Variants in USP7 observed in about 807,000 individuals in gnomAD.
The protein encoded by USP7 is ubiquitin specific peptidase 7.
A neutral mutation model predicts 162.9 loss-of-function variants in USP7; 9 were observed. That is an observed-to-expected ratio of 0.06 (90% CI 0.03 to 0.10). The LOEUF (loss-of-function observed/expected upper bound fraction) is 0.10, where lower values mean the gene tolerates loss of function less well. Ranked by LOEUF, USP7 falls within the 10% of genes least tolerant of loss-of-function variation. The probability of loss-of-function intolerance (pLI) is 1.00; values close to 1 mark genes in which losing one functional copy is unlikely to be tolerated. For synonymous variants in USP7, 562 were observed against 475.9 expected (o/e 1.18, Z -2.35); for missense variants, 715 against 1,373.7 (o/e 0.52, Z 7.58).
At chr16:8,949,840 C>T (rs1458160118) in intron 1 of USP7, among the ~76,000 whole-genome samples, 1 of 152,222 alleles carries the variant, frequency 6.6e-6, no homozygotes, top group African/African-American at 2.4e-5. Flanking sequence ...ATGCCCTAAG[C>T]TGAGCTTGGG....
At chr16:8,932,734 GGACAGT>G (rs1357585187) in intron 1 of USP7, among the ~76,000 whole-genome samples, 1 of 152,158 alleles carries the variant, frequency 6.6e-6, no homozygotes, top group Non-Finnish European at 1.5e-5. Flanking sequence ...TGTAAACCAA[GGACAGT>G]GACTGGCCCT....
intron 4 of USP7, 124 bp downstream of exon 4, chr16:8,921,033 C>T (rs1897665611): frequency 9.0e-7 from 1 of 1,116,510 alleles, no homozygotes; most frequent in Non-Finnish European, 1.2e-6. Context: ...TTCAAAGACA[C>T]TTGTCCAATT....
At chr16:8,894,446 G>T in intron 30 of USP7, 104 bp downstream of exon 30, 1 of 1,151,566 alleles carries the variant, frequency 8.7e-7, no homozygotes, top group Non-Finnish European at 1.2e-6. Context: ...CCAGTGGAGA[G>T]AGAGGAGCTG....
At chr16:8,962,411 G>C (rs867840455) in intron 1 of USP7, 138 of 368,202 alleles carry the variant, frequency 3.7e-4, no homozygotes, top group African/African-American at 2.6e-3. Context: ...TTACAACCAA[G>C]ACTCTATACC....
chr16:8,918,785 G>A (rs1897517301), intron 6 of USP7, among the ~76,000 whole-genome samples: 1 of 152,212 alleles, frequency 6.6e-6, no homozygotes, highest in Non-Finnish European at 1.5e-5. Flanking sequence ...CTCCAGCCTG[G>A]GCGACAGAGC....
At chr16:8,918,205 G>A (rs563360623) in intron 6 of USP7, among the ~76,000 whole-genome samples, 13 of 152,290 alleles carry the variant, frequency 8.5e-5, no homozygotes, top group African/African-American at 3.1e-4. Context: ...ACGACAACCT[G>A]TCTGGGTGGC....
intron 25 of USP7, among the ~76,000 whole-genome samples, chr16:8,897,726 A>AAATAAATATATATAT (rs1555461671): frequency 1.4e-4 from 1 of 7,138 alleles, no homozygotes; most frequent in Non-Finnish European, 2.3e-4. Flanking sequence ...AAAAAAAAAA[A>AAATAAATATATATAT]ATATATATAT....
At chr16:8,934,389 G>C (rs1308846232) in intron 1 of USP7, among the ~76,000 whole-genome samples, 1 of 152,196 alleles carries the variant, frequency 6.6e-6, no homozygotes, top group Non-Finnish European at 1.5e-5. Context: ...ACTTGAGAGA[G>C]ACTGCATTGT....
chr16:8,903,319 T>C lies in USP7; in HGVS notation c.1788A>G (p.Val596=), dbSNP rs780911831. 1.9e-6 allele frequency: 3 copies of C among 1,614,168 alleles called. No individual in the cohort carries two copies. Among genetic ancestry groups the C allele is most frequent in the East Asian group, 4.5e-5 (2 of 44,888 alleles). Residue 596 remains valine (V), a synonymous_variant, in exon 16 of 31, where the codon GTA becomes GTG. Coordinates refer to ENST00000344836, the MANE Select transcript of USP7 (RefSeq NM_003470.3). The part of the protein sequence containing the change: ...EEKVKYTVFK[V]LKNSSLAEFV... ...ACTCAGCAAGCGAGGAGTTCTTCAA[T>C]ACTTTGAACACAGTGTATTTCACTT...
intron 1 of USP7, among the ~76,000 whole-genome samples, chr16:8,940,160 C>G (rs1446971431): frequency 6.6e-6 from 1 of 152,180 alleles, no homozygotes; most frequent in Non-Finnish European, 1.5e-5. Context: ...AAATGATGCT[C>G]TCACAAACAG....
Position 8,895,027 on chromosome 16 carries a change from A to G in USP7, c.3039+4T>C. 2.5e-6 allele frequency: 4 copies of G among 1,614,226 alleles called. No individual in the cohort carries two copies. Among genetic ancestry groups the G allele is most frequent in the South Asian group, 2.2e-5 (2 of 91,088 alleles). ...GAGCCACTCGGCCAACCACAACAGC[A>G]TACCTGGTGTATCCTCAGCAAAAAC... On this transcript the variant is annotated splice_donor_region_variant and intron_variant, in intron 28 of 30. Coordinates refer to ENST00000344836, the MANE Select transcript of USP7 (RefSeq NM_003470.3).
intron 14 of USP7, 100 bp from the exon 15 acceptor site, chr16:8,904,665 C>T (rs750714056): frequency 8.2e-5 from 125 of 1,517,412 alleles, no homozygotes; most frequent in South Asian, 6.3e-4. Flanking sequence ...TCTATTAGGC[C>T]GGCGTGGTGG....
At chr16:8,920,175 T>C (rs1442321837) in intron 5 of USP7, among the ~76,000 whole-genome samples, 184 bp downstream of exon 5, 2 of 152,210 alleles carry the variant, frequency 1.3e-5, no homozygotes, top group Non-Finnish European at 2.9e-5. Flanking sequence ...GTCTAACATA[T>C]AGAAACTGCT....
Position 8,963,173 on chromosome 16 carries a change from CCCGGCCCCGCCGCGG to C in USP7, c.79+19_79+33del. 2 of 1,393,604 alleles carry C rather than the reference CCCGGCCCCGCCGCGG, an allele frequency of 1.4e-6. No individual in the cohort carries two copies. The allele number at this position is 1,393,604 out of a possible 1,614,324, so 86.3% of individuals were successfully genotyped here. A position where few individuals can be genotyped will look rare whatever the true frequency, so the allele number is the denominator to read the frequency against. ...CCCCCGGCCACAATGAAAGGCGCCC[CCCGGCCCCGCCGCGG>C]CCGGCCCTCGGGCCTCACCTTCCAT... On this transcript the variant is annotated intron_variant, in intron 1 of 30. Coordinates refer to ENST00000344836, the MANE Select transcript of USP7 (RefSeq NM_003470.3).
At chr16:8,917,207 T>G (rs766896018) in intron 6 of USP7, 51 bp from the exon 7 acceptor site, 41 of 1,545,290 alleles carry the variant, frequency 2.7e-5, no homozygotes, top group Non-Finnish European at 3.4e-5. Context: ...TGCAGGGGAA[T>G]TTAAAAAACA....
In USP7 at chr16:8,956,845, C is replaced by T. The variant is rs553563702; in HGVS notation, c.79+6362G>A. The stretch of plus-strand genomic sequence containing the variant: ...CAGGATAGTAAGAGCCCAGCCCCCC[C>T]GCAGGCAGTGCCCCATTATCCACGA... On this transcript the variant is annotated intron_variant, in intron 1 of 30. Transcript: ENST00000344836. 6.6e-5 allele frequency among the ~76,000 whole-genome samples: 10 copies of T among 152,284 alleles called. No homozygotes were observed. In the South Asian group the frequency reaches 1.5e-3, roughly 22 times the overall value.
intron 1 of USP7, among the ~76,000 whole-genome samples, chr16:8,949,254 A>C (rs1454989427): frequency 6.6e-6 from 1 of 152,256 alleles, no homozygotes; most frequent in Admixed American, 6.5e-5. Context: ...AACTGTTACC[A>C]AACCAGGTAA....
At position 8,894,878 on chromosome 16, in the gene USP7, C is replaced by G. The variant is rs371677950; in HGVS notation, c.3040-23G>C. The stretch of plus-strand genomic sequence containing the variant: ...GCCCTAGAATGGCAAAGGACATGTG[C>G]TCACACAGTCACTCCCAGCACCCCC... On this transcript the variant is annotated intron_variant, in intron 28 of 30. Coordinates refer to ENST00000344836, the MANE Select transcript of USP7 (RefSeq NM_003470.3). 308 of 1,614,058 alleles carry G rather than the reference C, an allele frequency of 1.9e-4. 2 individuals are homozygous for G. In the Middle Eastern group the frequency reaches 3.5e-3, roughly 18 times the overall value.
chr16:8,925,140 C>T (rs1260306952), intron 2 of USP7, among the ~76,000 whole-genome samples: 1 of 152,206 alleles, frequency 6.6e-6, no homozygotes, highest in Non-Finnish European at 1.5e-5. Flanking sequence ...TCAATTCCCA[C>T]ATTTTAGGTG....
Sources: gnomAD v4.1 joint callset for allele counts (sites outside exome capture counted in the v4.1 genomes callset) on GRCh38, gnomAD v4.1.1 for gene constraint, MANE v1.5 for transcripts, NCBI Gene and HGNC (gene_info 2026-07-23, HGNC 2026-07-21) for gene names.